UBE2E1: variants seen among roughly 807,000 people sequenced by gnomAD.
UBE2E1 encodes the protein ubiquitin conjugating enzyme E2 E1.
UBE2E1 carries 6 observed loss-of-function variants against 21.4 expected under a neutral mutation model. The observed-to-expected ratio is 0.28, with a 90% CI of 0.15 to 0.55. The LOEUF (loss-of-function observed/expected upper bound fraction) is 0.55, where lower values mean the gene tolerates loss of function less well. Ranked by LOEUF, UBE2E1 falls within the 20% of genes least tolerant of loss-of-function variation. The probability of loss-of-function intolerance (pLI) is 0.93; values close to 1 mark genes in which losing one functional copy is unlikely to be tolerated. For missense variants in UBE2E1, 142 were observed against 236.5 expected, an observed-to-expected ratio of 0.60 and a Z score of 2.62; for synonymous variants, 87 against 82.7, an observed-to-expected ratio of 1.05 and a Z score of -0.28.
chr3:23,821,993 G>A (rs1699656384), intron 3 of UBE2E1, among the ~76,000 whole-genome samples: 1 of 152,210 alleles, frequency 6.6e-6, no homozygotes, highest in Admixed American at 6.5e-5. Flanking sequence ...GAAAGGAAAG[G>A]CATCATGAGA....
rs1699585333 is a variant in UBE2E1 at position 23,818,947 on chromosome 3, G to A, written c.203+7437G>A. Among the ~76,000 whole-genome samples, 6 of 152,154 alleles carry A rather than the reference G, an allele frequency of 3.9e-5. No individual in the cohort carries two copies. In the South Asian group the frequency reaches 1.2e-3, roughly 32 times the overall value. On this transcript the variant is annotated intron_variant, in intron 3 of 5. Coordinates refer to ENST00000306627, the MANE Select transcript of UBE2E1 (RefSeq NM_003341.5). Reference sequence around the variant, plus strand: ...GTGTAAGAACTTAGGTGTATGTTTTGTAGGCTGAGAGGAAGAAGCAAATAT... The same window carrying A: ...GTGTAAGAACTTAGGTGTATGTTTTATAGGCTGAGAGGAAGAAGCAAATAT...
At position 23,810,775 on chromosome 3, in the gene UBE2E1, G is replaced by A. The variant is rs1158435043; in HGVS notation, c.153-685G>A. 1 of 250,166 alleles carries A rather than the reference G, an allele frequency of 4.0e-6. No individual in the cohort carries two copies. The highest frequency in any genetic ancestry group is 7.4e-5 in the East Asian group (1 of 13,454). The allele number at this position is 250,166 out of a possible 1,614,324, so 15.5% of individuals were successfully genotyped here. On this transcript the variant is annotated intron_variant, in intron 2 of 5. Coordinates refer to ENST00000306627, the MANE Select transcript of UBE2E1 (RefSeq NM_003341.5). The surrounding 1 kb of genome is among the most constrained non-coding windows in gnomAD (Gnocchi z 5.8). Reference sequence around the variant, plus strand: ...CCCCTCCCCCGCCCGCAACTTCACCGGCGCGGCGCGAGCCGTCGGGGGCGC... The same window carrying A: ...CCCCTCCCCCGCCCGCAACTTCACCAGCGCGGCGCGAGCCGTCGGGGGCGC...
intron 3 of UBE2E1, among the ~76,000 whole-genome samples, chr3:23,851,353 A>G (rs978422715): frequency 6.6e-6 from 1 of 152,036 alleles, no homozygotes; most frequent in South Asian, 2.1e-4. Flanking sequence ...CTTTTTAAAG[A>G]TTGTTTGGCT....
At chr3:23,811,598 A>G (rs548813149) in intron 3 of UBE2E1, 88 bp downstream of exon 3, 8 of 1,282,232 alleles carry the variant, frequency 6.2e-6, no homozygotes, top group Non-Finnish European at 8.8e-6. Flanking sequence ...TTTTTCTTTG[A>G]TTCTTTGGCT....
At chr3:23,843,811 A>G (rs6807087) in intron 3 of UBE2E1, among the ~76,000 whole-genome samples, 3,137 of 152,338 alleles carry the variant, frequency 0.021, 104 homozygotes, top group African/African-American at 0.073. Context: ...TCAGCCAAAC[A>G]GTGAAAATTA....
intron 3 of UBE2E1, among the ~76,000 whole-genome samples, chr3:23,829,618 G>T (rs564470061): frequency 7.9e-5 from 12 of 152,098 alleles, no homozygotes; most frequent in Non-Finnish European, 1.2e-4. Flanking sequence ...TCCTGGAAAA[G>T]TGCTGAAGTG....
intron 2 of UBE2E1, 101 bp from the exon 3 acceptor site, chr3:23,811,359 T>G: frequency 9.2e-7 from 1 of 1,090,030 alleles, no homozygotes; most frequent in Non-Finnish European, 1.4e-6. Context: ...TAGAATCCAG[T>G]GATCGCGCTT....
rs529280389 is a variant in UBE2E1, at chr3:23,810,882, C to A, written c.153-578C>A. 1.9e-5 allele frequency: 3 copies of A among 161,134 alleles called. No homozygotes were observed. In the South Asian group the frequency reaches 6.1e-4, roughly 33 times the overall value. The allele number at this position is 161,134 out of a possible 1,614,324, so 10.0% of individuals were successfully genotyped here. On this transcript the variant is annotated intron_variant, in intron 2 of 5. Transcript: ENST00000306627. This position sits in a 1 kb window ranked among gnomAD's most constrained non-coding sequence, Gnocchi z 5.8. ...TGCGGTCTGGGCCTCCCGGGCACCC[C>A]GCCACGGCTGGCAGGTCACTCGGGC... is the stretch of plus-strand genomic sequence containing the variant.
chr3:23,823,829 A>G lies in UBE2E1; in HGVS notation c.203+12319A>G, dbSNP rs1699695828. 6.6e-6 allele frequency among the ~76,000 whole-genome samples: 1 copy of G among 152,212 alleles called. No homozygotes were observed. Among genetic ancestry groups the G allele is most frequent in the African/African-American group, 2.4e-5 (1 of 41,452 alleles). ...TTAGCAGCGTCATATACTACTTGCTAGTATATCACACTGCTTTGGCCTTTT... is the reference window on the plus strand; with the variant it reads ...TTAGCAGCGTCATATACTACTTGCTGGTATATCACACTGCTTTGGCCTTTT... On this transcript the variant is annotated intron_variant, in intron 3 of 5. Transcript: ENST00000306627. The surrounding 1 kb of genome is among the most constrained non-coding windows in gnomAD (Gnocchi z 4.2).
intron 3 of UBE2E1, among the ~76,000 whole-genome samples, chr3:23,845,561 T>TTCTCTCTCTC (rs144798695): frequency 2.2e-5 from 3 of 136,916 alleles, no homozygotes; most frequent in Admixed American, 7.5e-5. Flanking sequence ...CTGTTTTGGT[T>TTCTCTCTCTC]TCTCTCTCTC....
At position 23,870,358 on chromosome 3, in the gene UBE2E1, G is replaced by A. The variant is rs149980267; in HGVS notation, c.204-17209G>A. Among the ~76,000 whole-genome samples, 1 of 152,336 alleles carries A rather than the reference G, an allele frequency of 6.6e-6. No homozygotes were observed. The highest frequency in any genetic ancestry group is 1.9e-4 in the East Asian group (1 of 5,186). On this transcript the variant is annotated intron_variant, in intron 3 of 5. Transcript: ENST00000306627. The surrounding 1 kb of genome is among the most constrained non-coding windows in gnomAD (Gnocchi z 4.2). ...CTTAAATATCACCAGCCCATATTCA[G>A]AGGGAGGGGAATTAGACTCTGCCTC...
intron 3 of UBE2E1, among the ~76,000 whole-genome samples, chr3:23,822,562 T>C (rs980363323): frequency 6.6e-6 from 1 of 152,212 alleles, no homozygotes; most frequent in African/African-American, 2.4e-5. Context: ...CGTTGTACCA[T>C]GCATGTTACA....
intron 4 of UBE2E1, chr3:23,888,228 T>C (rs556052184): frequency 2.4e-5 from 11 of 457,058 alleles, no homozygotes; most frequent in African/African-American, 1.6e-4. Flanking sequence ...TCTTGTTCCT[T>C]TACCTCCAGG....
At chr3:23,828,262 A>T (rs927104689) in intron 3 of UBE2E1, among the ~76,000 whole-genome samples, 1 of 152,240 alleles carries the variant, frequency 6.6e-6, no homozygotes, top group African/African-American at 2.4e-5. Flanking sequence ...CTTCATTTAG[A>T]TGTTACCATC....
At chr3:23,882,918 C>T (rs1444602803) in intron 3 of UBE2E1, among the ~76,000 whole-genome samples, 2 of 152,200 alleles carry the variant, frequency 1.3e-5, no homozygotes, top group South Asian at 2.1e-4. Flanking sequence ...GCGCCTCTCC[C>T]TCCACACCTC....
At position 23,870,677 on chromosome 3, in the gene UBE2E1, T is replaced by TTTA. The variant is rs1700764206; in HGVS notation, c.204-16888_204-16887insATT. Among the ~76,000 whole-genome samples the TTTA allele has an allele frequency of 1.4e-5, 1 of 70,302 alleles. No homozygotes were observed. The highest frequency in any genetic ancestry group is 5.5e-4 in the South Asian group (1 of 1,804). The allele number at this position is 70,302 out of a possible 152,430, so 46.1% of individuals were successfully genotyped here. On this transcript the variant is annotated intron_variant, in intron 3 of 5. Coordinates refer to ENST00000306627, the MANE Select transcript of UBE2E1 (RefSeq NM_003341.5). The surrounding 1 kb of genome is among the most constrained non-coding windows in gnomAD (Gnocchi z 4.2). ...CTTCAAGTTCCTATTTAAAATTCTTTTTTTATTTTATTTTATTTTATTGAT... is the reference window on the plus strand; with the variant it reads ...CTTCAAGTTCCTATTTAAAATTCTTTTTATTTTATTTTATTTTATTTTATTGAT...
Position 23,842,435 on chromosome 3 carries a change from C to T in UBE2E1, c.203+30925C>T, listed in dbSNP as rs367763147. Among the ~76,000 whole-genome samples the T allele has an allele frequency of 1.4e-3, 216 of 152,114 alleles. 1 individual carries two copies. Among genetic ancestry groups the T allele is most frequent in the African/African-American group, 5.0e-3 (206 of 41,494 alleles). On this transcript the variant is annotated intron_variant, in intron 3 of 5. Coordinates refer to ENST00000306627, the MANE Select transcript of UBE2E1 (RefSeq NM_003341.5). This position sits in a 1 kb window ranked among gnomAD's most constrained non-coding sequence, Gnocchi z 4.6. ...TAATTTTTCTATTTTTTTGTGGAGA[C>T]GGAGTCGTGCCATGTTGCCCGGCCT...
In UBE2E1 at chr3:23,842,250, G is replaced by GTGTGTGTGTTGT. The variant is rs1553637746; in HGVS notation, c.203+30743_203+30744insGTGTGTTGTTGT. 2.3e-5 allele frequency among the ~76,000 whole-genome samples: 2 copies of GTGTGTGTGTTGT among 86,288 alleles called. No homozygotes were observed. The highest frequency in any genetic ancestry group is 4.6e-5 in the Non-Finnish European group (2 of 43,230). 56.6% of individuals were successfully genotyped at this position (86,288 alleles called of 152,430 possible). A position where few individuals can be genotyped will look rare whatever the true frequency, so the allele number is the denominator to read the frequency against. ...GTGTGTGTGTGTGTGTGTGTGTGTG[G>GTGTGTGTGTTGT]TGTTGTTGTTGTTGGCGACAGGGTC... On this transcript the variant is annotated intron_variant, in intron 3 of 5. Coordinates refer to ENST00000306627, the MANE Select transcript of UBE2E1 (RefSeq NM_003341.5). The surrounding 1 kb of genome is among the most constrained non-coding windows in gnomAD (Gnocchi z 4.6).
Position 23,872,974 on chromosome 3 carries a change from G to A in UBE2E1, c.204-14593G>A, listed in dbSNP as rs9810120. Among the ~76,000 whole-genome samples, 1,152 of 151,676 alleles carry A rather than the reference G, an allele frequency of 7.6e-3. 15 individuals are homozygous for A. Among genetic ancestry groups the A allele is most frequent in the African/African-American group, 0.026 (1,080 of 41,358 alleles). The stretch of plus-strand genomic sequence containing the variant: ...AGAGGTTGCAGTGAGCCTAGATCAC[G>A]CCACTGCACTCCAGCCTGGGCAACA... On this transcript the variant is annotated intron_variant, in intron 3 of 5. Transcript: ENST00000306627.
Sources: allele counts gnomAD v4.1 joint callset (sites outside exome capture counted in the v4.1 genomes callset), GRCh38; gene constraint gnomAD v4.1.1; non-coding constraint Gnocchi (gnomAD v3.1); transcripts MANE v1.5; gene names NCBI Gene and HGNC (gene_info 2026-07-23, HGNC 2026-07-21).